Variants in HS3ST4 observed in about 807,000 individuals in gnomAD.
The protein encoded by HS3ST4 is heparan sulfate-glucosamine 3-sulfotransferase 4, also known as heparan sulfate glucosamine 3-O-sulfotransferase 4.
In HS3ST4, 17 loss-of-function variants were observed where a neutral mutation model predicts 29.2. The observed-to-expected ratio is 0.58, with a 90% confidence interval of 0.40 to 0.87. The LOEUF is 0.87. HS3ST4 is among the 40% of genes least tolerant of loss of function. HS3ST4 has a pLI of 0.00. For synonymous variants in HS3ST4, 314 were observed against 285.7 expected, an observed-to-expected ratio of 1.10 and a Z score of -1.00; for missense variants, 627 against 634.5, an observed-to-expected ratio of 0.99 and a Z score of 0.13.
chr16:25,713,735 AG>A (rs1966432837), intron 1 of HS3ST4, among the ~76,000 whole-genome samples: 1 of 152,170 alleles, frequency 6.6e-6, no homozygotes, highest in South Asian at 2.1e-4. Context: ...GGTCATTCTC[AG>A]GGTATGCTTG....
intron 1 of HS3ST4, among the ~76,000 whole-genome samples, chr16:25,802,103 GAGAC>G (rs1966943032): frequency 6.6e-6 from 1 of 151,536 alleles, no homozygotes; most frequent in South Asian, 2.1e-4. Flanking sequence ...CAAACAACAT[GAGAC>G]AGACAGCAAA....
chr16:25,702,914 A>G (rs1966344439), intron 1 of HS3ST4, among the ~76,000 whole-genome samples: 1 of 152,060 alleles, frequency 6.6e-6, no homozygotes, highest in South Asian at 2.1e-4. Context: ...TAATCCCAGC[A>G]CTTTGGGAGC....
At chr16:25,766,717 A>AT (rs1225807871) in intron 1 of HS3ST4, among the ~76,000 whole-genome samples, 2 of 152,142 alleles carry the variant, frequency 1.3e-5, no homozygotes. Flanking sequence ...TAAAGCTTAC[A>AT]TTTTTTGGAT....
At chr16:25,813,424 C>A (rs1043128196) in intron 1 of HS3ST4, among the ~76,000 whole-genome samples, 2 of 151,936 alleles carry the variant, frequency 1.3e-5, no homozygotes, top group African/African-American at 4.8e-5. Context: ...ATGGAGAAAC[C>A]CCGTCTCCAC....
At chr16:25,909,984 G>A (rs896219553) in intron 1 of HS3ST4, among the ~76,000 whole-genome samples, 6 of 152,096 alleles carry the variant, frequency 3.9e-5, no homozygotes, top group African/African-American at 1.4e-4. Context: ...TCCCCACTTG[G>A]CCTCCTTAAA....
intron 1 of HS3ST4, among the ~76,000 whole-genome samples, chr16:25,956,969 G>T (rs1270570229): frequency 1.5e-5 from 2 of 136,320 alleles, no homozygotes; most frequent in African/African-American, 5.6e-5. Flanking sequence ...CTGCACTCCA[G>T]CCTGGGCAAC....
At chr16:25,930,323 G>A (rs1279226823) in intron 1 of HS3ST4, among the ~76,000 whole-genome samples, 1 of 152,152 alleles carries the variant, frequency 6.6e-6, no homozygotes, top group African/African-American at 2.4e-5. Context: ...GACCTCTCTA[G>A]GCCAGCCCTG....
At chr16:25,957,843 A>G (rs1374449185) in intron 1 of HS3ST4, among the ~76,000 whole-genome samples, 1 of 152,162 alleles carries the variant, frequency 6.6e-6, no homozygotes, top group Non-Finnish European at 1.5e-5. Context: ...AGATACAGGT[A>G]GATGTGGAGA....
chr16:25,903,804 A>G (rs1344153332), intron 1 of HS3ST4, among the ~76,000 whole-genome samples: 4 of 152,076 alleles, frequency 2.6e-5, no homozygotes, highest in African/African-American at 9.7e-5. Context: ...AACAATACGC[A>G]CTTTTTTGCC....
At chr16:25,905,381 G>C (rs1968169029) in intron 1 of HS3ST4, among the ~76,000 whole-genome samples, 2 of 152,154 alleles carry the variant, frequency 1.3e-5, no homozygotes, top group African/African-American at 4.8e-5. Flanking sequence ...GGTGTGAAAA[G>C]AGGGGGTTCT....
At chr16:25,726,376 G>A (rs899288880) in intron 1 of HS3ST4, among the ~76,000 whole-genome samples, 4 of 151,958 alleles carry the variant, frequency 2.6e-5, no homozygotes, top group Admixed American at 2.6e-4. Flanking sequence ...TTATACAGTT[G>A]AACATGTAAA....
chr16:26,062,801 C>T (rs1898492658), intron 1 of HS3ST4: 1 of 253,814 alleles, frequency 3.9e-6, no homozygotes, highest in South Asian at 5.4e-5. Flanking sequence ...GAAATAATTC[C>T]TGTCACCTAG....
chr16:26,009,055 C>T (rs921013258), intron 1 of HS3ST4, among the ~76,000 whole-genome samples: 1 of 152,174 alleles, frequency 6.6e-6, no homozygotes, highest in Admixed American at 6.5e-5. Context: ...AAACCCACTG[C>T]GTTATTGTCA....
chr16:26,079,810 G>A (rs567621160), intron 1 of HS3ST4, among the ~76,000 whole-genome samples: 2 of 152,290 alleles, frequency 1.3e-5, no homozygotes, highest in East Asian at 3.9e-4. Flanking sequence ...CTCTATTTCA[G>A]ACAGTCTTAA....
chr16:25,917,979 A>G (rs1239435211), intron 1 of HS3ST4, among the ~76,000 whole-genome samples: 1 of 152,178 alleles, frequency 6.6e-6, no homozygotes, highest in African/African-American at 2.4e-5. Flanking sequence ...TTACTTTAAT[A>G]TCTCCAAACC....
intron 1 of HS3ST4, among the ~76,000 whole-genome samples, chr16:25,822,868 G>A (rs1243627284): frequency 6.6e-6 from 1 of 152,002 alleles, no homozygotes; most frequent in African/African-American, 2.4e-5. Flanking sequence ...CTCCCAAGTA[G>A]CTGGGACTAC....
intron 1 of HS3ST4, among the ~76,000 whole-genome samples, chr16:25,969,422 G>A (rs1968874900): frequency 1.3e-5 from 2 of 152,344 alleles, no homozygotes; most frequent in Admixed American, 1.3e-4. Flanking sequence ...CGCTGCTGGT[G>A]GCGGTCCTAG....
intron 1 of HS3ST4, among the ~76,000 whole-genome samples, chr16:25,787,569 G>C (rs57462928): frequency 0.088 from 13,367 of 152,198 alleles, 612 homozygotes; most frequent in African/African-American, 0.1. Flanking sequence ...GCTGCCAGGA[G>C]CACCATAAAT....
chr16:26,113,716 C>T (rs1253825921), intron 1 of HS3ST4, among the ~76,000 whole-genome samples: 1 of 152,014 alleles, frequency 6.6e-6, no homozygotes, highest in East Asian at 1.9e-4. Flanking sequence ...AGAATACTCA[C>T]ACACTTGCTC....
Sources: gnomAD v4.1 joint callset for allele counts (sites outside exome capture counted in the v4.1 genomes callset) on GRCh38, gnomAD v4.1.1 for gene constraint, MANE v1.5 for transcripts, NCBI Gene and HGNC (gene_info 2026-07-23, HGNC 2026-07-21) for gene names.